LRMDA: variants seen among roughly 807,000 people sequenced by gnomAD.
LRMDA encodes leucine-rich melanocyte differentiation-associated protein.
A neutral mutation model predicts 29.8 loss-of-function variants in LRMDA; 18 were observed. The observed-to-expected ratio is 0.60, with a 90% confidence interval of 0.42 to 0.90. The LOEUF is 0.90. Ranked by LOEUF, LRMDA falls within the 40% of genes least tolerant of loss-of-function variation. The pLI, the probability that LRMDA is intolerant of heterozygous loss-of-function variation, is 0.00. For synonymous variants in LRMDA, 125 were observed against 109.4 expected (o/e 1.14, Z -0.89); for missense variants, 273 against 273.9 (o/e 1.00, Z 0.02).
chr10:76,407,508 C>A (rs1464646310), intron 6 of LRMDA, among the ~76,000 whole-genome samples: 2 of 152,146 alleles, frequency 1.3e-5, no homozygotes, highest in African/African-American at 2.4e-5. Flanking sequence ...AAGTTCTTCT[C>A]AACCTTGAGA....
chr10:75,990,435 G>T (rs1339593948), intron 2 of LRMDA, among the ~76,000 whole-genome samples: 2 of 152,194 alleles, frequency 1.3e-5, no homozygotes, highest in Non-Finnish European at 2.9e-5. Context: ...CTGTGAAAGA[G>T]ATATGGTTTA....
At chr10:75,923,260 T>C (rs1846056790) in intron 2 of LRMDA, among the ~76,000 whole-genome samples, 1 of 152,226 alleles carries the variant, frequency 6.6e-6, no homozygotes, top group Non-Finnish European at 1.5e-5. Context: ...GAAGAGGGTA[T>C]AGATGTCTGC....
At chr10:76,175,217 T>C (rs1427006671) in intron 5 of LRMDA, among the ~76,000 whole-genome samples, 1 of 152,200 alleles carries the variant, frequency 6.6e-6, no homozygotes, top group African/African-American at 2.4e-5. Flanking sequence ...GTGGTGGTAG[T>C]TCATTTTGTT....
chr10:75,961,756 A>G (rs1462555546), intron 2 of LRMDA, among the ~76,000 whole-genome samples: 1 of 152,192 alleles, frequency 6.6e-6, no homozygotes, highest in Non-Finnish European at 1.5e-5. Flanking sequence ...TTGCTGGGAA[A>G]CCATAACAAA....
chr10:75,817,909 G>A (rs1220532681), intron 2 of LRMDA, among the ~76,000 whole-genome samples: 2 of 152,134 alleles, frequency 1.3e-5, no homozygotes, highest in East Asian at 1.9e-4. Context: ...TTAAGGGATT[G>A]CTCCAGCAGA....
In LRMDA at chr10:75,643,926, A is replaced by G. The variant is rs990290075; in HGVS notation, c.131+205432A>G. 4.6e-5 allele frequency among the ~76,000 whole-genome samples: 7 copies of G among 152,236 alleles called. 1 individual carries two copies. The South Asian group carries it at 1.0e-3, about 23-fold the overall frequency. On this transcript the variant is annotated intron_variant, in intron 2 of 6. Coordinates refer to ENST00000611255, the MANE Select transcript of LRMDA (RefSeq NM_001305581.2). ...CCCTAAGTTATTTCAGCAGAGTTTTATGTTGATTTGTTTTTAGTGCAGCTT... is the reference window on the plus strand; with the variant it reads ...CCCTAAGTTATTTCAGCAGAGTTTTGTGTTGATTTGTTTTTAGTGCAGCTT...
intron 2 of LRMDA, among the ~76,000 whole-genome samples, chr10:75,481,775 C>T (rs1171662483): frequency 6.6e-6 from 1 of 152,138 alleles, no homozygotes; most frequent in Non-Finnish European, 1.5e-5. Context: ...CCACATTCTC[C>T]CTCTCTCTGC....
intron 5 of LRMDA, among the ~76,000 whole-genome samples, chr10:76,301,026 T>G (rs1840473750): frequency 6.6e-6 from 1 of 152,204 alleles, no homozygotes; most frequent in Non-Finnish European, 1.5e-5. Context: ...ACCAATCAAA[T>G]TTTGACAATG....
At chr10:75,597,576 G>A (rs1840807170) in intron 2 of LRMDA, among the ~76,000 whole-genome samples, 1 of 152,146 alleles carries the variant, frequency 6.6e-6, no homozygotes, top group Non-Finnish European at 1.5e-5. Flanking sequence ...TAATCCTGGC[G>A]TAGCAGGTGG....
chr10:75,695,038 C>T (rs773216902), intron 2 of LRMDA, among the ~76,000 whole-genome samples: 18 of 152,082 alleles, frequency 1.2e-4, no homozygotes, highest in Non-Finnish European at 2.4e-4. Flanking sequence ...GTGAGTCAGG[C>T]TTGTACATCT....
intron 5 of LRMDA, among the ~76,000 whole-genome samples, chr10:76,256,806 C>G (rs539953445): frequency 2.0e-5 from 3 of 152,134 alleles, no homozygotes; most frequent in Non-Finnish European, 4.4e-5. Context: ...GAACTCCTAG[C>G]TCTCCAGGAA....
At chr10:75,496,707 G>A (rs925476787) in intron 2 of LRMDA, among the ~76,000 whole-genome samples, 13 of 152,106 alleles carry the variant, frequency 8.5e-5, no homozygotes, top group Non-Finnish European at 1.6e-4. Context: ...AACTGACCTA[G>A]CATACTTTCG....
intron 2 of LRMDA, among the ~76,000 whole-genome samples, chr10:75,444,242 A>G (rs182326087): frequency 1.3e-5 from 2 of 152,184 alleles, no homozygotes; most frequent in East Asian, 3.9e-4. Flanking sequence ...TAAACTGGTG[A>G]CCTCTCCATG....
chr10:76,359,091 G>C (rs7075438), intron 6 of LRMDA, among the ~76,000 whole-genome samples: 150,832 of 152,284 alleles, frequency 0.99, 74,738 homozygotes, highest in Middle Eastern at 1. Flanking sequence ...ACAGAACACA[G>C]TGCAGGTCAC....
At chr10:75,459,324 T>C (rs535648427) in intron 2 of LRMDA, among the ~76,000 whole-genome samples, 1 of 152,250 alleles carries the variant, frequency 6.6e-6, no homozygotes, top group South Asian at 2.1e-4. Flanking sequence ...TAGTCCCAGC[T>C]ACTTGGGAGG....
chr10:76,378,680 A>C (rs995524523), intron 6 of LRMDA, among the ~76,000 whole-genome samples: 2 of 151,900 alleles, frequency 1.3e-5, no homozygotes, highest in Non-Finnish European at 2.9e-5. Context: ...GTGGTGAATC[A>C]CATTTATTGA....
At chr10:76,494,504 C>T (rs968155889) in intron 6 of LRMDA, among the ~76,000 whole-genome samples, 18 of 151,740 alleles carry the variant, frequency 1.2e-4, no homozygotes, top group Admixed American at 6.6e-4. Context: ...TATCTATTTT[C>T]TTATTTTTCC....
At chr10:75,902,020 G>A (rs1002213927) in intron 2 of LRMDA, among the ~76,000 whole-genome samples, 8 of 152,094 alleles carry the variant, frequency 5.3e-5, no homozygotes, top group Non-Finnish European at 1.2e-4. Flanking sequence ...AACATTTGGG[G>A]GGTTCAGTAT....
intron 2 of LRMDA, among the ~76,000 whole-genome samples, chr10:76,015,106 G>A (rs989896869): frequency 3.3e-5 from 5 of 152,242 alleles, no homozygotes; most frequent in Non-Finnish European, 5.9e-5. Flanking sequence ...TGAGGCCAGA[G>A]AGGGACTTGG....
Sources: gnomAD v4.1 joint callset for allele counts (sites outside exome capture counted in the v4.1 genomes callset) on GRCh38, gnomAD v4.1.1 for gene constraint, MANE v1.5 for transcripts, NCBI Gene and HGNC (gene_info 2026-07-23, HGNC 2026-07-21) for gene names.